EEFSEC: variants seen among roughly 807,000 people sequenced by gnomAD.
The protein encoded by EEFSEC is eukaryotic elongation factor, selenocysteine-tRNA specific.
Under a neutral mutation model 42.1 loss-of-function variants are expected in EEFSEC, and 43 were observed. The observed-to-expected ratio is 1.02, with a 90% confidence interval of 0.80 to 1.32. The LOEUF (loss-of-function observed/expected upper bound fraction) is 1.32, where lower values mean the gene tolerates loss of function less well. Among genes scored for constraint, EEFSEC ranks in the 40% most tolerant of loss-of-function variants. The pLI, the probability that EEFSEC is intolerant of heterozygous loss-of-function variation, is 0.00. For synonymous variants in EEFSEC, 354 were observed against 339.1 expected, an observed-to-expected ratio of 1.04 and a Z score of -0.48; for missense variants, 745 against 803.6, an observed-to-expected ratio of 0.93 and a Z score of 0.88.
At chr3:128,320,874 T>C (rs1448935064) in intron 4 of EEFSEC, among the ~76,000 whole-genome samples, 2 of 152,248 alleles carry the variant, frequency 1.3e-5, no homozygotes, top group Non-Finnish European at 2.9e-5. Flanking sequence ...CCGTCACTGC[T>C]GGACTAGTGG....
At chr3:128,419,955 G>A in the EEFSEC span, among the ~76,000 whole-genome samples, 13 of 152,304 alleles carry the variant, frequency 8.5e-5, 1 homozygote, top group Middle Eastern at 3.4e-3. Context: ...GCCGCAGCGG[G>A]AGGGGGGACA....
intron 5 of EEFSEC, among the ~76,000 whole-genome samples, chr3:128,355,575 G>A (rs1162637250): frequency 7.2e-6 from 1 of 138,486 alleles, no homozygotes; most frequent in East Asian, 2.2e-4. Flanking sequence ...ATATGTTCAT[G>A]TTATTGTGTA....
chr3:128,322,287 G>A (rs113642790), intron 4 of EEFSEC, among the ~76,000 whole-genome samples: 4,700 of 152,314 alleles, frequency 0.031, 229 homozygotes, highest in African/African-American at 0.1. Context: ...GCATGCCTGC[G>A]CCTACTTGCC....
chr3:128,422,115 T>C, the EEFSEC span, among the ~76,000 whole-genome samples: 2 of 152,078 alleles, frequency 1.3e-5, no homozygotes, highest in African/African-American at 4.8e-5. Flanking sequence ...CCTCCAGACC[T>C]ACAGATCTGC....
chr3:128,392,775 G>A (rs1045314292), intron 6 of EEFSEC, among the ~76,000 whole-genome samples: 1 of 152,236 alleles, frequency 6.6e-6, no homozygotes, highest in South Asian at 2.1e-4. Context: ...GGATGACAGA[G>A]GCTGGGCCTG....
At chr3:128,376,168 C>G (rs2067707449) in intron 6 of EEFSEC, among the ~76,000 whole-genome samples, 1 of 152,204 alleles carries the variant, frequency 6.6e-6, no homozygotes. Flanking sequence ...AGCACAGGAG[C>G]CTGGGGCATG....
At chr3:128,240,825 T>C (rs763776383) in intron 1 of EEFSEC, among the ~76,000 whole-genome samples, 1 of 152,220 alleles carries the variant, frequency 6.6e-6, no homozygotes, top group East Asian at 1.9e-4. Flanking sequence ...TTGCCCCTAG[T>C]TGGGTGGCTT....
chr3:128,250,113 G>T (rs1024718518), intron 2 of EEFSEC, among the ~76,000 whole-genome samples: 1 of 152,054 alleles, frequency 6.6e-6, no homozygotes, highest in South Asian at 2.1e-4. Flanking sequence ...TGTTGTTGTT[G>T]TTGTTGAATT....
chr3:128,361,037 T>C lies in EEFSEC; in HGVS notation c.1600+2664T>C, dbSNP rs139321510. 6.2e-3 allele frequency among the ~76,000 whole-genome samples: 944 copies of C among 152,180 alleles called. 8 individuals carry two copies. Among genetic ancestry groups the C allele is most frequent in the African/African-American group, 0.021 (885 of 41,520 alleles). On this transcript the variant is annotated intron_variant, in intron 6 of 6. Coordinates refer to ENST00000254730, the MANE Select transcript of EEFSEC (RefSeq NM_021937.5). ...AGAGAGTGCATTGCTAGCTGCAGCC[T>C]GGACATGCAGGGTGGGGAAGCCTGG...
chr3:128,410,212 ACCT>A (rs1416570270), downstream of EEFSEC, among the ~76,000 whole-genome samples: 7 of 150,820 alleles, frequency 4.6e-5, no homozygotes, highest in Non-Finnish European at 8.9e-5. Flanking sequence ...AGGCGAGGAA[ACCT>A]CCCTCCTCCT....
intron 1 of EEFSEC, among the ~76,000 whole-genome samples, chr3:128,218,284 A>C (rs1308296673): frequency 6.6e-6 from 1 of 152,242 alleles, no homozygotes; most frequent in Non-Finnish European, 1.5e-5. Flanking sequence ...ATAGACTGTA[A>C]GAACTACTCC....
At chr3:128,327,215 C>T (rs1170111613) in intron 4 of EEFSEC, among the ~76,000 whole-genome samples, 2 of 152,064 alleles carry the variant, frequency 1.3e-5, no homozygotes, top group African/African-American at 4.8e-5. Flanking sequence ...CTTGTGTACA[C>T]CTGCACAGCG....
At chr3:128,258,226 G>C (rs1054455500) in intron 2 of EEFSEC, among the ~76,000 whole-genome samples, 1 of 152,076 alleles carries the variant, frequency 6.6e-6, no homozygotes, top group Non-Finnish European at 1.5e-5. Context: ...GCTGGCACTG[G>C]GCTCAATCTT....
intron 5 of EEFSEC, among the ~76,000 whole-genome samples, chr3:128,355,780 G>A (rs146245759): frequency 1.8e-4 from 28 of 152,346 alleles, no homozygotes; most frequent in African/African-American, 5.8e-4. Flanking sequence ...GTTTCTGCCT[G>A]GAGCTTGTGC....
chr3:128,318,662 C>T (rs2066974453), intron 4 of EEFSEC, among the ~76,000 whole-genome samples: 1 of 152,356 alleles, frequency 6.6e-6, no homozygotes, highest in African/African-American at 2.4e-5. Context: ...AAGCAGCTCC[C>T]TTTGTAACAA....
At chr3:128,423,885 T>A in the EEFSEC span, among the ~76,000 whole-genome samples, 116 of 152,362 alleles carry the variant, frequency 7.6e-4, no homozygotes, top group African/African-American at 2.5e-3. Context: ...CCATTCTCTC[T>A]GCCCTGCAGC....
intron 4 of EEFSEC, among the ~76,000 whole-genome samples, chr3:128,337,428 G>A (rs571738422): frequency 1.3e-5 from 2 of 152,162 alleles, no homozygotes; most frequent in Admixed American, 6.5e-5. Context: ...CTTGACGTTC[G>A]GCTTGATGGG....
At chr3:128,417,210 C>T in the EEFSEC span, among the ~76,000 whole-genome samples, 1 of 152,136 alleles carries the variant, frequency 6.6e-6, no homozygotes, top group African/African-American at 2.4e-5. This position sits in a 1 kb window ranked among gnomAD's most constrained non-coding sequence, Gnocchi z 4.3. Context: ...CCCCTCTTCT[C>T]TGTTGTAAAC....
intron 6 of EEFSEC, among the ~76,000 whole-genome samples, chr3:128,371,921 G>T (rs1384529077): frequency 6.6e-6 from 1 of 152,202 alleles, no homozygotes; most frequent in Non-Finnish European, 1.5e-5. Flanking sequence ...TGAGCTCTGG[G>T]CCCAGTGGCC....
Sources: gnomAD v4.1 joint callset for allele counts (sites outside exome capture counted in the v4.1 genomes callset) on GRCh38, gnomAD v4.1.1 for gene constraint, Gnocchi (gnomAD v3.1) non-coding constraint, MANE v1.5 for transcripts, NCBI Gene and HGNC (gene_info 2026-07-23, HGNC 2026-07-21) for gene names.